Variants in RSU1 observed in about 807,000 individuals in gnomAD.
The protein encoded by RSU1 is rsu-1.
A neutral mutation model predicts 31.1 loss-of-function variants in RSU1; 26 were observed. The ratio of observed to expected loss-of-function variants is 0.84; its 90% CI spans 0.61 to 1.16. The LOEUF (loss-of-function observed/expected upper bound fraction) is 1.16, where lower values mean the gene tolerates loss of function less well. RSU1 is among the 50% of genes most tolerant of loss of function. The pLI is 0.00. For synonymous variants in RSU1, 164 were observed against 136.3 expected (o/e 1.20, Z -1.41); for missense variants, 320 against 339.1 (o/e 0.94, Z 0.44).
chr10:16,725,501 CG>C (rs200103931), intron 7 of RSU1, among the ~76,000 whole-genome samples: 2 of 152,046 alleles, frequency 1.3e-5, no homozygotes, highest in Non-Finnish European at 2.9e-5. Flanking sequence ...GCATCTTGAG[CG>C]GGGGGCCTTC....
intron 8 of RSU1, among the ~76,000 whole-genome samples, chr10:16,652,536 G>A (rs2131515968): frequency 6.6e-6 from 1 of 151,894 alleles, no homozygotes; most frequent in African/African-American, 2.4e-5. Context: ...TCAAAACTCA[G>A]GGAACTATAT....
chr10:16,631,291 A>C (rs188317481), intron 8 of RSU1, among the ~76,000 whole-genome samples: 1 of 152,338 alleles, frequency 6.6e-6, no homozygotes, highest in Non-Finnish European at 1.5e-5. Flanking sequence ...GGAAGAATTC[A>C]GGGTGCTGAG....
chr10:16,626,184 A>G (rs1415117452), intron 8 of RSU1, among the ~76,000 whole-genome samples: 1 of 152,000 alleles, frequency 6.6e-6, no homozygotes, highest in Non-Finnish European at 1.5e-5. Flanking sequence ...AGCTGGGACT[A>G]AAGGTGCATG....
intron 8 of RSU1, among the ~76,000 whole-genome samples, chr10:16,676,035 A>G (rs1835224234): frequency 6.6e-6 from 1 of 152,222 alleles, no homozygotes; most frequent in African/African-American, 2.4e-5. Flanking sequence ...TTGGTACATG[A>G]TGAGCCAAGA....
At chr10:16,623,774 T>A (rs1220518805) in intron 8 of RSU1, among the ~76,000 whole-genome samples, 3 of 152,198 alleles carry the variant, frequency 2.0e-5, no homozygotes, top group Admixed American at 1.3e-4. Flanking sequence ...TAATGATTAG[T>A]GCTGTCGAGT....
At chr10:16,655,014 C>T (rs1026646673) in intron 8 of RSU1, among the ~76,000 whole-genome samples, 5 of 131,758 alleles carry the variant, frequency 3.8e-5, no homozygotes, top group Non-Finnish European at 3.1e-5. Flanking sequence ...CAGTGAGCCA[C>T]GAATGTGCCT....
At chr10:16,656,933 T>C (rs1834793981) in intron 8 of RSU1, among the ~76,000 whole-genome samples, 2 of 152,202 alleles carry the variant, frequency 1.3e-5, no homozygotes, top group African/African-American at 4.8e-5. Context: ...TGTTTTCCAG[T>C]ACAGTACAAA....
intron 7 of RSU1, among the ~76,000 whole-genome samples, chr10:16,737,998 C>A (rs756292770): frequency 6.6e-6 from 1 of 152,052 alleles, no homozygotes; most frequent in Non-Finnish European, 1.5e-5. Context: ...CGGATATCTC[C>A]GAATACTTGA....
At chr10:16,682,571 C>T (rs993262404) in intron 8 of RSU1, among the ~76,000 whole-genome samples, 5 of 147,774 alleles carry the variant, frequency 3.4e-5, no homozygotes, top group South Asian at 2.2e-4. Context: ...CACACACACA[C>T]ATGCATGCAT....
chr10:16,592,970 TGAAGGA>T lies in RSU1; in HGVS notation c.*418_*423del. Reference sequence around the variant, plus strand: ...AAGTTAAATTAGCATATCTCGGTGGTGAAGGAAGACTTTTAATAAAGCAAAATAATG... The same window carrying T: ...AAGTTAAATTAGCATATCTCGGTGGTAGACTTTTAATAAAGCAAAATAATG... On this transcript the variant is annotated 3_prime_UTR_variant, in exon 9 of 9. Transcript: ENST00000345264. 1 of 154,288 alleles carries T rather than the reference TGAAGGA, an allele frequency of 6.5e-6. No individual in the cohort carries two copies. Among genetic ancestry groups the T allele is most frequent in the Non-Finnish European group, 1.4e-5 (1 of 69,628 alleles). 9.6% of individuals were successfully genotyped at this position (154,288 alleles called of 1,614,324 possible). A position where few individuals can be genotyped will look rare whatever the true frequency, so the allele number is the denominator to read the frequency against.
chr10:16,669,594 T>G (rs1462757856), intron 8 of RSU1, among the ~76,000 whole-genome samples: 4 of 152,074 alleles, frequency 2.6e-5, no homozygotes, highest in African/African-American at 9.7e-5. Context: ...TTTTTTTGTT[T>G]GTTTTATGTG....
At chr10:16,658,816 C>T (rs1834835381) in intron 8 of RSU1, among the ~76,000 whole-genome samples, 1 of 152,132 alleles carries the variant, frequency 6.6e-6, no homozygotes, top group African/African-American at 2.4e-5. Flanking sequence ...TTTGATAAAA[C>T]CCTAGAGAAC....
At chr10:16,770,957 T>TA (rs10547207) in intron 3 of RSU1, among the ~76,000 whole-genome samples, 2,984 of 119,958 alleles carry the variant, frequency 0.025, 53 homozygotes, top group South Asian at 0.047. Context: ...TATTGCTATT[T>TA]AAAAAAAAAA....
chr10:16,728,639 T>G (rs1389949521), intron 7 of RSU1, among the ~76,000 whole-genome samples: 1 of 152,194 alleles, frequency 6.6e-6, no homozygotes, highest in African/African-American at 2.4e-5. Context: ...TATCAGCTCA[T>G]GAGGCAAAAG....
At chr10:16,715,172 A>G (rs1054793309) in intron 7 of RSU1, among the ~76,000 whole-genome samples, 2 of 152,128 alleles carry the variant, frequency 1.3e-5, no homozygotes, top group African/African-American at 2.4e-5. Context: ...GTTGAAATAT[A>G]GTTGTTTACT....
chr10:16,707,503 G>A (rs1263043397), intron 7 of RSU1, among the ~76,000 whole-genome samples: 2 of 150,452 alleles, frequency 1.3e-5, no homozygotes, highest in South Asian at 2.1e-4. Context: ...TCATATACAT[G>A]TTGGCCATCT....
intron 7 of RSU1, among the ~76,000 whole-genome samples, chr10:16,747,705 T>C (rs1211965455): frequency 6.6e-6 from 1 of 152,226 alleles, no homozygotes; most frequent in African/African-American, 2.4e-5. Context: ...CCCTCCAGCC[T>C]ATTTTCAGCA....
intron 6 of RSU1, 61 bp from the exon 7 acceptor site, chr10:16,752,714 T>C: frequency 7.9e-7 from 1 of 1,273,588 alleles, no homozygotes; most frequent in Middle Eastern, 1.9e-4. Flanking sequence ...CCACAGAAAC[T>C]CTCATCCTCT....
chr10:16,709,532 A>G (rs988354728), intron 7 of RSU1, among the ~76,000 whole-genome samples: 1 of 152,140 alleles, frequency 6.6e-6, no homozygotes, highest in Admixed American at 6.6e-5. Flanking sequence ...GGCTGGGTCA[A>G]ATGGTATTTC....
Sources: allele counts gnomAD v4.1 joint callset (sites outside exome capture counted in the v4.1 genomes callset), GRCh38; gene constraint gnomAD v4.1.1; transcripts MANE v1.5; gene names NCBI Gene and HGNC (gene_info 2026-07-23, HGNC 2026-07-21).